Variants in GNAS-AS1 observed in about 807,000 individuals in gnomAD.
GNAS-AS1 encodes GNAS antisense RNA 1.
chr20:58,850,388 T>A (rs548248646), intron 1 of GNAS-AS1: 7 of 396,482 alleles, frequency 1.8e-5, no homozygotes, highest in Middle Eastern at 6.3e-4. Flanking sequence ...CACAGACCCA[T>A]GAGGGTGTCG....
At chr20:58,826,194 A>G (rs2085518977) in intron 4 of GNAS-AS1, 1 of 398,260 alleles carries the variant, frequency 2.5e-6, no homozygotes, top group East Asian at 3.6e-5. Flanking sequence ...TGCTAATAAT[A>G]ATAACATTAA....
At chr20:58,836,329 T>G (rs1309563577) in intron 4 of GNAS-AS1, 1 of 152,278 alleles carries the variant, frequency 6.6e-6, no homozygotes, top group Non-Finnish European at 1.5e-5. Context: ...GCTGAAGGCT[T>G]TCTGCTACAA....
intron 4 of GNAS-AS1, among the ~76,000 whole-genome samples, chr20:58,830,483 A>ACC (rs1568900414): frequency 5.7e-5 from 5 of 88,330 alleles, no homozygotes; most frequent in East Asian, 3.4e-4. Flanking sequence ...CATCATCACC[A>ACC]TCACCACCAT....
chr20:58,848,076 T>C (rs1020843805), intron 2 of GNAS-AS1, among the ~76,000 whole-genome samples: 3 of 152,240 alleles, frequency 2.0e-5, no homozygotes, highest in African/African-American at 4.8e-5. Context: ...AAAACGCCAC[T>C]GTTTGCCACC....
chr20:58,841,544 C>A lies in GNAS-AS1; in HGVS notation n.819+393G>T. ...AGTGCCTCCAGCTGCCGTGCGCCAG[C>A]CTTGGCCGCCACAGCCCGCCTCCCG... On this transcript the variant is annotated intron_variant and non_coding_transcript_variant, in intron 4 of 4. Transcript: ENST00000424094. This position sits in a 1 kb window ranked among gnomAD's most constrained non-coding sequence, Gnocchi z 5.0. 1 of 996,446 alleles carries A rather than the reference C, an allele frequency of 1.0e-6. No homozygotes were observed. Among genetic ancestry groups the A allele is most frequent in the South Asian group, 4.7e-5 (1 of 21,412 alleles). 61.7% of individuals were successfully genotyped at this position (996,446 alleles called of 1,614,324 possible). A position where few individuals can be genotyped will look rare whatever the true frequency, so the allele number is the denominator to read the frequency against.
chr20:58,821,900 C>T (rs1209192292), intron 4 of GNAS-AS1, among the ~76,000 whole-genome samples: 2 of 152,238 alleles, frequency 1.3e-5, no homozygotes, highest in African/African-American at 4.8e-5. Context: ...CCTCCTCCCT[C>T]ACCTCCTCTC....
At chr20:58,822,686 G>T (rs776815208) in intron 4 of GNAS-AS1, among the ~76,000 whole-genome samples, 3 of 152,072 alleles carry the variant, frequency 2.0e-5, no homozygotes, top group Non-Finnish European at 1.5e-5. Flanking sequence ...GAACATTTAG[G>T]GACACTTTTC....
At chr20:58,850,484 C>T (rs1055065526) in intron 1 of GNAS-AS1, 3 of 398,116 alleles carry the variant, frequency 7.5e-6, no homozygotes, top group Non-Finnish European at 1.3e-5. Flanking sequence ...CCCTTTGGAG[C>T]ACCCATGGCA....
At chr20:58,834,352 G>A (rs2085587897) in intron 4 of GNAS-AS1, 1 of 152,502 alleles carries the variant, frequency 6.6e-6, no homozygotes, top group South Asian at 2.1e-4. Flanking sequence ...GGGCAGAGGT[G>A]GACATCTGGG....
intron 4 of GNAS-AS1, among the ~76,000 whole-genome samples, chr20:58,828,087 G>A (rs1457262460): frequency 1.3e-5 from 2 of 152,194 alleles, no homozygotes; most frequent in Non-Finnish European, 2.9e-5. Context: ...CCAATTTTAA[G>A]TAATAACTGG....
At chr20:58,834,833 T>A (rs1426244333) in intron 4 of GNAS-AS1, among the ~76,000 whole-genome samples, 1 of 152,146 alleles carries the variant, frequency 6.6e-6, no homozygotes, top group Non-Finnish European at 1.5e-5. Context: ...TAAAAACGAA[T>A]GGCACAAATA....
chr20:58,839,795 T>C, intron 4 of GNAS-AS1: 1 of 576,994 alleles, frequency 1.7e-6, no homozygotes, highest in Non-Finnish European at 3.1e-6. Context: ...GAGGCACCTC[T>C]CTCGAGTCTT....
chr20:58,831,676 G>A (rs1468087067), intron 4 of GNAS-AS1, among the ~76,000 whole-genome samples: 1 of 152,074 alleles, frequency 6.6e-6, no homozygotes, highest in African/African-American at 2.4e-5. Context: ...AAATCTTTTG[G>A]GGAGGGTAGA....
chr20:58,849,727 T>A (rs2086079709), intron 1 of GNAS-AS1, among the ~76,000 whole-genome samples: 1 of 152,210 alleles, frequency 6.6e-6, no homozygotes, highest in African/African-American at 2.4e-5. Context: ...TCCAGGAGGA[T>A]CCTTTGGGAC....
chr20:58,844,693 C>T (rs1263594295), intron 2 of GNAS-AS1, among the ~76,000 whole-genome samples: 1 of 152,010 alleles, frequency 6.6e-6, no homozygotes, highest in Non-Finnish European at 1.5e-5. Context: ...TGATTTAACC[C>T]TAATGGAACT....
In GNAS-AS1 at chr20:58,839,970, G is replaced by C. The variant is rs541643892; in HGVS notation, n.819+1967C>G. 38 of 860,824 alleles carry C rather than the reference G, an allele frequency of 4.4e-5. 1 individual carries two copies. In the South Asian group the frequency reaches 5.8e-4, roughly 13 times the overall value. 53.3% of individuals were successfully genotyped at this position (860,824 alleles called of 1,614,324 possible). On this transcript the variant is annotated intron_variant and non_coding_transcript_variant, in intron 4 of 4. Transcript: ENST00000424094. Reference sequence around the variant, plus strand: ...GTGCTTCCCTTTTTCTCCTCACAAGGAGGTGAGGCTGGGACCTCCGGGCCA... The same window carrying C: ...GTGCTTCCCTTTTTCTCCTCACAAGCAGGTGAGGCTGGGACCTCCGGGCCA...
At chr20:58,850,132 C>T (rs1234524301) in intron 1 of GNAS-AS1, among the ~76,000 whole-genome samples, 1 of 152,202 alleles carries the variant, frequency 6.6e-6, no homozygotes, top group Non-Finnish European at 1.5e-5. Context: ...CCATCCCCCA[C>T]TACCACCTTC....
chr20:58,837,908 T>C (rs899681781), intron 4 of GNAS-AS1, among the ~76,000 whole-genome samples: 4 of 152,144 alleles, frequency 2.6e-5, no homozygotes, highest in Non-Finnish European at 5.9e-5. Flanking sequence ...GTGTTGAAGG[T>C]GTGAGGTTAA....
At chr20:58,823,795 G>A (rs1324760176) in intron 4 of GNAS-AS1, among the ~76,000 whole-genome samples, 1 of 152,226 alleles carries the variant, frequency 6.6e-6, no homozygotes, top group East Asian at 1.9e-4. Flanking sequence ...GTGAAAGGGG[G>A]CTCAAAAGAT....
Sources: gnomAD v4.1 joint callset for allele counts (sites outside exome capture counted in the v4.1 genomes callset) on GRCh38, gnomAD v4.1.1 for gene constraint, Gnocchi (gnomAD v3.1) non-coding constraint, MANE v1.5 for transcripts, NCBI Gene and HGNC (gene_info 2026-07-23, HGNC 2026-07-21) for gene names.